FAHD2B: variants seen among roughly 807,000 people sequenced by gnomAD.
FAHD2B encodes the protein oxaloacetate tautomerase FAHD2B, mitochondrial.
FAHD2B carries 26 observed loss-of-function variants against 33.7 expected under a neutral mutation model. The observed-to-expected ratio is 0.77, with a 90% confidence interval of 0.57 to 1.07. The LOEUF (loss-of-function observed/expected upper bound fraction) is 1.07. FAHD2B is among the 50% of genes least tolerant of loss of function. FAHD2B has a pLI of 0.00. For missense variants in FAHD2B, 272 were observed against 388.1 expected, an observed-to-expected ratio of 0.70 and a Z score of 2.51; for synonymous variants, 108 against 150.9, an observed-to-expected ratio of 0.72 and a Z score of 2.08.
chr2:97,089,185 G>T (rs1211313346), intron 4 of FAHD2B, among the ~76,000 whole-genome samples: 2 of 151,892 alleles, frequency 1.3e-5, no homozygotes, highest in Non-Finnish European at 2.9e-5. Context: ...TTGAAATACT[G>T]CCTGTAGTTT....
In FAHD2B at chr2:97,091,989, C is replaced by T. The variant is rs1349505653; in HGVS notation, c.-132-1G>A. On this transcript the variant is annotated splice_acceptor_variant, in intron 1 of 8. Coordinates refer to ENST00000414820, the MANE Select transcript of FAHD2B (RefSeq NM_001320848.2). LOFTEE classifies it low-confidence loss of function (5UTR_SPLICE). ...AAAGTTCCCACTGTGCTTGGCTCTG[C>T]TGTAGGTATTGGGGAAACAATGTAG... 2.6e-6 allele frequency: 1 copy of T among 381,722 alleles called. No individual in the cohort carries two copies. The highest frequency in any genetic ancestry group is 4.7e-6 in the Non-Finnish European group (1 of 210,568). The allele number at this position is 381,722 out of a possible 1,614,324, so 23.6% of individuals were successfully genotyped here.
chr2:97,078,803 G>T (rs528905760), downstream of FAHD2B, among the ~76,000 whole-genome samples: 2 of 151,962 alleles, frequency 1.3e-5, no homozygotes, highest in East Asian at 1.9e-4. Context: ...GGATGTGCAG[G>T]TTTGTTACAT....
Position 97,092,984 on chromosome 2 carries a change from A to G in FAHD2B, c.-132-996T>C, listed in dbSNP as rs1281977809. ...CGACTCCAAAAAAAAAAAAAAAAAAAAAAAGAAATTATCCACAGAGCTCAG... is the reference window on the plus strand; with the variant it reads ...CGACTCCAAAAAAAAAAAAAAAAAAGAAAAGAAATTATCCACAGAGCTCAG... On this transcript the variant is annotated intron_variant, in intron 1 of 8. Transcript: ENST00000414820. Among the ~76,000 whole-genome samples, 5 of 151,616 alleles carry G rather than the reference A, an allele frequency of 3.3e-5. No homozygotes were observed. The East Asian group carries it at 9.6e-4, about 29-fold the overall frequency.
At chr2:97,082,288 C>T, downstream of FAHD2B, 16 of 1,580,468 alleles carry the variant, frequency 1.0e-5, no homozygotes, top group Non-Finnish European at 1.3e-5. Flanking sequence ...CTGCCGCCTT[C>T]CTCCGCCAGG....
intron 6 of FAHD2B, among the ~76,000 whole-genome samples, chr2:97,084,835 C>T (rs1283790249): frequency 6.6e-6 from 1 of 150,936 alleles, no homozygotes; most frequent in Non-Finnish European, 1.5e-5. Context: ...ACCGCTTGAA[C>T]CCAGGAGGTT....
chr2:97,081,883 C>T (rs1381495001), downstream of FAHD2B: 1 of 570,544 alleles, frequency 1.8e-6, no homozygotes. Context: ...TGGCTCTGGC[C>T]ATCCTCTTGG....
In FAHD2B at chr2:97,083,791, A is replaced by G. The variant is rs759460698; in HGVS notation, c.909T>C (p.Ile303=). Residue 303 remains isoleucine, a synonymous_variant, in exon 9 of 9, where the codon ATT becomes ATC. Transcript: ENST00000414820. ...LKKGDEVQCE[I]EELGVIINKV... ...TGTTGATGATGACACCTAGTTCTTC[A>G]ATCTCACACTGGACTTCATCCCCCT... The G allele has an allele frequency of 6.2e-7, 1 of 1,614,096 alleles. No homozygotes were observed. Among genetic ancestry groups the G allele is most frequent in the South Asian group, 1.1e-5 (1 of 91,046 alleles).
intron 1 of FAHD2B, among the ~76,000 whole-genome samples, chr2:97,092,470 C>A (rs1005353333): frequency 2.0e-5 from 3 of 152,114 alleles, no homozygotes; most frequent in Non-Finnish European, 2.9e-5. Context: ...ATCACTTGGT[C>A]ATCTCCTCCC....
chr2:97,090,616 G>A (rs1444130752), intron 3 of FAHD2B, among the ~76,000 whole-genome samples: 4 of 152,044 alleles, frequency 2.6e-5, no homozygotes, highest in Non-Finnish European at 4.4e-5. Context: ...TGGTTACCCC[G>A]TTCCCCTGGC....
downstream of FAHD2B, chr2:97,083,157 G>A (rs1467859794): frequency 3.8e-6 from 6 of 1,586,460 alleles, no homozygotes; most frequent in Non-Finnish European, 5.1e-6. Context: ...TGCAGCAGAC[G>A]CCGAGCCCTG....
intron 1 of FAHD2B, among the ~76,000 whole-genome samples, chr2:97,092,495 A>C (rs1201039218): frequency 6.6e-6 from 1 of 152,126 alleles, no homozygotes; most frequent in Non-Finnish European, 1.5e-5. Context: ...TCCAGGGCAC[A>C]TGTCTGTCTC....
chr2:97,089,561 A>T (rs1180358467), intron 4 of FAHD2B, among the ~76,000 whole-genome samples: 1 of 151,246 alleles, frequency 6.6e-6, no homozygotes, highest in Non-Finnish European at 1.5e-5. Context: ...ATTAATGGAC[A>T]TGCAAAGTCT....
At chr2:97,086,384 G>A (rs1401702536) in intron 4 of FAHD2B, among the ~76,000 whole-genome samples, 186 bp from the exon 5 acceptor site, 2 of 152,122 alleles carry the variant, frequency 1.3e-5, no homozygotes, top group Non-Finnish European at 2.9e-5. Flanking sequence ...ATTTTGGGCA[G>A]TGGCAGACAG....
chr2:97,082,071 T>C, downstream of FAHD2B: 2 of 1,585,196 alleles, frequency 1.3e-6, no homozygotes, highest in Non-Finnish European at 1.7e-6. Context: ...TTACTGATAG[T>C]GACAGTGATG....
intron 6 of FAHD2B, among the ~76,000 whole-genome samples, chr2:97,085,146 G>A (rs1257092): frequency 0.56 from 85,030 of 151,184 alleles, 29,566 homozygotes; most frequent in Non-Finnish European, 0.79. Context: ...GTGAGGCACT[G>A]GGGTCTTTGG....
downstream of FAHD2B, chr2:97,083,107 G>A (rs2031716140): frequency 2.0e-6 from 3 of 1,526,040 alleles, no homozygotes; most frequent in African/African-American, 1.4e-5. Flanking sequence ...CAGTCCCTGT[G>A]GTGAGCGCAC....
chr2:97,089,982 A>G (rs2032232955), intron 4 of FAHD2B, 127 bp downstream of exon 4: 2 of 1,174,532 alleles, frequency 1.7e-6, no homozygotes, highest in South Asian at 3.0e-5. Flanking sequence ...TACTGTGTGT[A>G]TAATCCTGTA....
downstream of FAHD2B, chr2:97,081,970 G>C (rs183164691): frequency 7.4e-5 from 91 of 1,228,410 alleles, no homozygotes; most frequent in Non-Finnish European, 1.0e-4. Context: ...TGGCCAGCTT[G>C]TCAGAGAACA....
At chr2:97,093,923 C>T (rs1172576809) in intron 1 of FAHD2B, among the ~76,000 whole-genome samples, 5 of 152,072 alleles carry the variant, frequency 3.3e-5, no homozygotes, top group African/African-American at 1.2e-4. Flanking sequence ...AATCCAAGTC[C>T]AGGTGACATT....
Sources: allele counts gnomAD v4.1 joint callset (sites outside exome capture counted in the v4.1 genomes callset), GRCh38; gene constraint gnomAD v4.1.1; transcripts MANE v1.5; gene names NCBI Gene and HGNC (gene_info 2026-07-23, HGNC 2026-07-21).